The following FLOT2 variants were observed in gnomAD, a reference collection of about 807,000 sequenced individuals.
FLOT2 encodes the protein flotillin-2.
Under a neutral mutation model 54.9 loss-of-function variants are expected in FLOT2, and 35 were observed. The observed-to-expected ratio is 0.64, with a 90% confidence interval of 0.49 to 0.84. The LOEUF (loss-of-function observed/expected upper bound fraction) is 0.84, where lower values mean the gene tolerates loss of function less well. FLOT2 is among the 40% of genes least tolerant of loss of function. The pLI is 0.00. For synonymous variants in FLOT2, 207 were observed against 228.9 expected, an observed-to-expected ratio of 0.90 and a Z score of 0.86; for missense variants, 464 against 572.1, an observed-to-expected ratio of 0.81 and a Z score of 1.93.
intron 1 of FLOT2, among the ~76,000 whole-genome samples, chr17:28,891,656 GTA>G (rs2039653638): frequency 6.6e-6 from 1 of 152,234 alleles, no homozygotes; most frequent in Admixed American, 6.5e-5. Context: ...AATGAGGCTG[GTA>G]TGACTGGGGA....
intron 1 of FLOT2, among the ~76,000 whole-genome samples, chr17:28,891,682 A>G (rs1253904106): frequency 6.6e-6 from 1 of 152,202 alleles, no homozygotes; most frequent in Non-Finnish European, 1.5e-5. Context: ...GAATTTTTTA[A>G]TTAATTTAAA....
rs1238282598 is a variant in FLOT2 at position 28,881,805 on chromosome 17, G to A, written c.914+9C>T. Reference sequence around the variant, plus strand: ...TAAGCCCTGACCCCGGCACCTGGGCGGCTCTCACTTTTCACCCTCGGCAAT... The same window carrying A: ...TAAGCCCTGACCCCGGCACCTGGGCAGCTCTCACTTTTCACCCTCGGCAAT... On this transcript the variant is annotated intron_variant, in intron 8 of 10. Transcript: ENST00000394908. The A allele has an allele frequency of 8.7e-6, 14 of 1,611,884 alleles. No individual in the cohort carries two copies. The highest frequency in any genetic ancestry group is 1.7e-4 in the Middle Eastern group (1 of 6,016).
chr17:28,885,770 G>A, intron 2 of FLOT2: 4 of 830,816 alleles, frequency 4.8e-6, no homozygotes, highest in African/African-American at 1.7e-5. Flanking sequence ...GTCTCAGGAG[G>A]GGAGTCCATC....
At chr17:28,896,719 A>G (rs544161335) in intron 1 of FLOT2, among the ~76,000 whole-genome samples, 1 of 152,252 alleles carries the variant, frequency 6.6e-6, no homozygotes, top group East Asian at 1.9e-4. Flanking sequence ...GAAGATAGAG[A>G]AGAGAAATTC....
At chr17:28,890,536 G>A (rs560420764) in intron 1 of FLOT2, among the ~76,000 whole-genome samples, 12 of 152,148 alleles carry the variant, frequency 7.9e-5, no homozygotes, top group African/African-American at 2.4e-4. Flanking sequence ...ACAGGTGCCC[G>A]CCACCACGCC....
rs1195335559 is a variant in FLOT2, at chr17:28,883,123, G to A, written c.331C>T (p.Leu111=). The A allele has an allele frequency of 1.2e-6, 2 of 1,614,022 alleles. No individual in the cohort carries two copies. Among genetic ancestry groups the A allele is most frequent in the East Asian group, 2.2e-5 (1 of 44,888 alleles). Residue 111 remains leucine, a synonymous_variant, in exon 4 of 11, where the codon CTG becomes TTG. Transcript: ENST00000394908. The surrounding 1 kb of genome is among the most constrained non-coding windows in gnomAD (Gnocchi z 5.0). Reference sequence around the variant, plus strand: ...AGGGCCTCACCGAGGATGGAGCGCAGATGTCCCTCCAGGGTCTGCAGGACG... The same window carrying A: ...AGGGCCTCACCGAGGATGGAGCGCAAATGTCCCTCCAGGGTCTGCAGGACG... The part of the protein sequence containing the change: ...NVVLQTLEGH[L]RSILGTLTVE...
At chr17:28,892,148 A>G (rs952882078) in intron 1 of FLOT2, among the ~76,000 whole-genome samples, 1 of 151,988 alleles carries the variant, frequency 6.6e-6, no homozygotes, top group Non-Finnish European at 1.5e-5. Flanking sequence ...CAAGCACTCA[A>G]TCTGAAACCC....
chr17:28,884,359 G>A lies in FLOT2; in HGVS notation c.132-44C>T, dbSNP rs1374692861. 1.8e-5 allele frequency: 24 copies of A among 1,344,178 alleles called. No individual in the cohort carries two copies. Among genetic ancestry groups the A allele is most frequent in the Non-Finnish European group, 2.4e-5 (23 of 952,900 alleles). 83.3% of individuals were successfully genotyped at this position (1,344,178 alleles called of 1,614,324 possible). A position where few individuals can be genotyped will look rare whatever the true frequency, so the allele number is the denominator to read the frequency against. ...CAGGGGCATGGGTCTGGGGGCGCAG[G>A]GCCTGGTGGTGTTGGGAAAGAGGCC... On this transcript the variant is annotated intron_variant, in intron 2 of 10. Coordinates refer to ENST00000394908, the MANE Select transcript of FLOT2 (RefSeq NM_004475.3). The surrounding 1 kb of genome is among the most constrained non-coding windows in gnomAD (Gnocchi z 5.1).
At chr17:28,896,399 T>A (rs1012883301) in intron 1 of FLOT2, among the ~76,000 whole-genome samples, 1 of 152,208 alleles carries the variant, frequency 6.6e-6, no homozygotes, top group Non-Finnish European at 1.5e-5. Context: ...TTAGGTCTTA[T>A]GGAGGAGCAA....
intron 1 of FLOT2, among the ~76,000 whole-genome samples, chr17:28,894,662 C>T (rs1209624978): frequency 1.7e-5 from 2 of 115,684 alleles, no homozygotes; most frequent in African/African-American, 6.9e-5. Flanking sequence ...AGTGTGGTGG[C>T]GTCCACTTAT....
rs909916543 is a variant in FLOT2 at position 28,883,601 on chromosome 17, T to C, written c.223-370A>G. Among the ~76,000 whole-genome samples the C allele has an allele frequency of 2.0e-5, 3 of 151,834 alleles. No homozygotes were observed. The highest frequency in any genetic ancestry group is 6.6e-5 in the Admixed American group (1 of 15,250). On this transcript the variant is annotated intron_variant, in intron 3 of 10. Coordinates refer to ENST00000394908, the MANE Select transcript of FLOT2 (RefSeq NM_004475.3). The surrounding 1 kb of genome is among the most constrained non-coding windows in gnomAD (Gnocchi z 5.0). ...AGAGTATGAGAAGCAGAATGAGCAA[T>C]AGGGACACAGACAGAGAAGGAAAGA... is the stretch of plus-strand genomic sequence containing the variant.
chr17:28,882,789 T>C lies in FLOT2; in HGVS notation c.347-98A>G. On this transcript the variant is annotated intron_variant, in intron 4 of 10. Coordinates refer to ENST00000394908, the MANE Select transcript of FLOT2 (RefSeq NM_004475.3). This position sits in a 1 kb window ranked among gnomAD's most constrained non-coding sequence, Gnocchi z 5.6. ...AGAGGTAGGGGTGCATGCGGGGTGC[T>C]GCACTCTGAGCTGGGTCTTCCTGGG... is the stretch of plus-strand genomic sequence containing the variant. The C allele has an allele frequency of 1.2e-6, 1 of 808,104 alleles. No individual in the cohort carries two copies. Among genetic ancestry groups the C allele is most frequent in the East Asian group, 2.4e-5 (1 of 41,156 alleles). The allele number at this position is 808,104 out of a possible 1,614,324, so 50.1% of individuals were successfully genotyped here. A position where few individuals can be genotyped will look rare whatever the true frequency, so the allele number is the denominator to read the frequency against.
At chr17:28,895,953 G>A (rs1179352547) in intron 1 of FLOT2, among the ~76,000 whole-genome samples, 1 of 152,092 alleles carries the variant, frequency 6.6e-6, no homozygotes, top group Non-Finnish European at 1.5e-5. Flanking sequence ...AGGGGTGGGG[G>A]CAGTTGCTCT....
In FLOT2 at chr17:28,897,416, G is replaced by T; in HGVS notation, c.49+110C>A. On this transcript the variant is annotated intron_variant, in intron 1 of 10. Coordinates refer to ENST00000394908, the MANE Select transcript of FLOT2 (RefSeq NM_004475.3). This position sits in a 1 kb window ranked among gnomAD's most constrained non-coding sequence, Gnocchi z 4.4. The stretch of plus-strand genomic sequence containing the variant: ...CCTCAGGTGCGGCCCGGGGGCCAGC[G>T]CCCTGCGCCGCGCGGTGGACTCAGG... 9.2e-7 allele frequency: 1 copy of T among 1,082,364 alleles called. No individual in the cohort carries two copies. The highest frequency in any genetic ancestry group is 1.3e-6 in the Non-Finnish European group (1 of 758,998). The allele number at this position is 1,082,364 out of a possible 1,614,324, so 67.0% of individuals were successfully genotyped here.
rs547153797 is a variant in FLOT2 at position 28,883,879 on chromosome 17, A to G, written c.222+346T>C. Among the ~76,000 whole-genome samples, 197 of 139,220 alleles carry G rather than the reference A, an allele frequency of 1.4e-3. No individual in the cohort carries two copies. The highest frequency in any genetic ancestry group is 4.4e-3 in the Admixed American group (63 of 14,422). 91.3% of individuals were successfully genotyped at this position (139,220 alleles called of 152,430 possible). ...CCTCTGGGCCCCACCCCTCCCACGC[A>G]GTACCCAGGGAACAAGGAAGGCCTG... On this transcript the variant is annotated intron_variant, in intron 3 of 10. Transcript: ENST00000394908. The surrounding 1 kb of genome is among the most constrained non-coding windows in gnomAD (Gnocchi z 5.0).
chr17:28,879,736 C>T lies in FLOT2; in HGVS notation c.*825G>A, dbSNP rs2039416265. On this transcript the variant is annotated 3_prime_UTR_variant, in exon 11 of 11. Coordinates refer to ENST00000394908, the MANE Select transcript of FLOT2 (RefSeq NM_004475.3). ...GCAGCCCTAGCAGGAAGAAGGTCTA[C>T]ACACTTTTCTGTCCCCAACAGGGCT... 1.0e-6 allele frequency: 1 copy of T among 986,014 alleles called. No individual in the cohort carries two copies. The highest frequency in any genetic ancestry group is 1.2e-6 in the Non-Finnish European group (1 of 830,150). The allele number at this position is 986,014 out of a possible 1,614,324, so 61.1% of individuals were successfully genotyped here. A position where few individuals can be genotyped will look rare whatever the true frequency, so the allele number is the denominator to read the frequency against.
At chr17:28,885,429 C>G (rs1333977653) in intron 2 of FLOT2, among the ~76,000 whole-genome samples, 1 of 152,208 alleles carries the variant, frequency 6.6e-6, no homozygotes, top group Non-Finnish European at 1.5e-5. Context: ...TTGTTCGCTC[C>G]TGCAGTCCAC....
Position 28,880,281 on chromosome 17 carries a change from T to C in FLOT2, c.*280A>G. The C allele has an allele frequency of 3.8e-6, 5 of 1,325,464 alleles. No homozygotes were observed. The highest frequency in any genetic ancestry group is 1.5e-5 in the African/African-American group (1 of 67,340). 82.1% of individuals were successfully genotyped at this position (1,325,464 alleles called of 1,614,324 possible). A position where few individuals can be genotyped will look rare whatever the true frequency, so the allele number is the denominator to read the frequency against. On this transcript the variant is annotated 3_prime_UTR_variant, in exon 11 of 11. Coordinates refer to ENST00000394908, the MANE Select transcript of FLOT2 (RefSeq NM_004475.3). Reference sequence around the variant, plus strand: ...TTCAGCTTAATCTACATGATGTGCATGGGGGAAAGAAAAAGACAGACAAAG... The same window carrying C: ...TTCAGCTTAATCTACATGATGTGCACGGGGGAAAGAAAAAGACAGACAAAG...
Position 28,882,503 on chromosome 17 carries a change from G to A in FLOT2, c.466-53C>T, listed in dbSNP as rs2039471358. The A allele has an allele frequency of 1.3e-6, 2 of 1,588,210 alleles. No homozygotes were observed. Among genetic ancestry groups the A allele is most frequent in the Non-Finnish European group, 1.7e-6 (2 of 1,156,588 alleles). ...TCAAAGGAGCAGCCAGAGGCACAAA[G>A]GTGCCCCTCTAACAAAGCCACCATC... On this transcript the variant is annotated intron_variant, in intron 5 of 10. Transcript: ENST00000394908. The surrounding 1 kb of genome is among the most constrained non-coding windows in gnomAD (Gnocchi z 5.6).
Sources: allele counts gnomAD v4.1 joint callset (sites outside exome capture counted in the v4.1 genomes callset), GRCh38; gene constraint gnomAD v4.1.1; non-coding constraint Gnocchi (gnomAD v3.1); transcripts MANE v1.5; gene names NCBI Gene and HGNC (gene_info 2026-07-23, HGNC 2026-07-21).